CALN1: variants seen among roughly 807,000 people sequenced by gnomAD.
CALN1 encodes calcium-binding protein 8.
CALN1 carries 17 observed loss-of-function variants against 30.6 expected under a neutral mutation model. The observed-to-expected ratio is 0.56, with a 90% CI of 0.38 to 0.83. The LOEUF (loss-of-function observed/expected upper bound fraction) is 0.83, where lower values mean the gene tolerates loss of function less well. Among genes scored for constraint, CALN1 ranks in the 40% least tolerant of loss-of-function variants. The probability of loss-of-function intolerance (pLI) is 0.00; values close to 1 mark genes in which losing one functional copy is unlikely to be tolerated. For missense variants in CALN1, 291 were observed against 354.9 expected (o/e 0.82, Z 1.45); for synonymous variants, 156 against 131.4 (o/e 1.19, Z -1.28).
Position 71,810,444 on chromosome 7 carries a change from G to A in CALN1, c.550C>T (p.His184Tyr), listed in dbSNP as rs866127298. 2 of 1,614,116 alleles carry A rather than the reference G, an allele frequency of 1.2e-6. No homozygotes were observed. The highest frequency in any genetic ancestry group is 1.7e-6 in the Non-Finnish European group (2 of 1,180,002). Residue 184 changes from histidine (H) to tyrosine (Y), a missense_variant, in exon 6 of 7, where the codon CAT becomes TAT. His to Tyr is a moderately conservative substitution (Grantham distance 83). Coordinates refer to ENST00000395275, the MANE Select transcript of CALN1 (RefSeq NM_031468.4). The part of the protein sequence containing the change: ...TLEELKHILY[H>Y]AFRDHLTMKD... The stretch of plus-strand genomic sequence containing the variant: ...ATCGTTAGGTGGTCTCGGAAGGCAT[G>A]ATAGAGAATGTGCTTCAACTCTTCC...
At chr7:72,501,944 T>TAG in the CALN1 span, among the ~76,000 whole-genome samples, 1 of 79,618 alleles carries the variant, frequency 1.3e-5, no homozygotes, top group African/African-American at 6.7e-5. Context: ...TATATATATA[T>TAG]ATATACACAC....
chr7:71,963,404 A>G (rs1241821866), intron 5 of CALN1, among the ~76,000 whole-genome samples: 2 of 151,830 alleles, frequency 1.3e-5, no homozygotes, highest in Non-Finnish European at 2.9e-5. Context: ...CTCGTGATCC[A>G]CCTGCCTCAG....
At chr7:71,801,637 GT>G (rs1787321915) in intron 6 of CALN1, among the ~76,000 whole-genome samples, 1 of 152,038 alleles carries the variant, frequency 6.6e-6, no homozygotes, top group African/African-American at 2.4e-5. Context: ...AATGCAATGT[GT>G]TCATATTAGG....
At chr7:71,989,007 T>G (rs1167056491) in intron 5 of CALN1, among the ~76,000 whole-genome samples, 3 of 152,222 alleles carry the variant, frequency 2.0e-5, no homozygotes, top group Non-Finnish European at 4.4e-5. Context: ...TGTGCTTTTT[T>G]CTATTACTCC....
intron 3 of CALN1, among the ~76,000 whole-genome samples, chr7:72,163,484 G>C (rs1788289645): frequency 6.6e-6 from 1 of 151,348 alleles, no homozygotes; most frequent in Non-Finnish European, 1.5e-5. Flanking sequence ...ATTGAAATTG[G>C]CAGATAAGGA....
intron 4 of CALN1, among the ~76,000 whole-genome samples, chr7:72,091,529 T>C (rs903293433): frequency 4.6e-5 from 7 of 152,182 alleles, no homozygotes; most frequent in Non-Finnish European, 8.8e-5. Flanking sequence ...GTATAACTTA[T>C]ATCCATAAAA....
intron 3 of CALN1, among the ~76,000 whole-genome samples, chr7:72,224,404 A>G (rs1374453889): frequency 2.6e-5 from 4 of 152,182 alleles, no homozygotes; most frequent in Non-Finnish European, 5.9e-5. Context: ...GTCAAAAAGG[A>G]AACAAGTGAC....
chr7:72,154,311 T>C (rs1787493387), intron 3 of CALN1, among the ~76,000 whole-genome samples: 2 of 151,340 alleles, frequency 1.3e-5, no homozygotes, highest in Non-Finnish European at 3.0e-5. Context: ...AAGCCAAACT[T>C]GAACTTGAAC....
chr7:72,457,044 T>C, the CALN1 span, among the ~76,000 whole-genome samples: 2 of 149,122 alleles, frequency 1.3e-5, no homozygotes. Flanking sequence ...GTTTCCTTCT[T>C]GTTGCTCAGG....
intron 4 of CALN1, among the ~76,000 whole-genome samples, chr7:72,058,320 T>C (rs1361531501): frequency 7.4e-6 from 1 of 135,934 alleles, no homozygotes; most frequent in African/African-American, 2.8e-5. Context: ...CTTTTTTTTT[T>C]TTTTTTTTTT....
At chr7:71,910,856 T>C (rs1252642231) in intron 5 of CALN1, among the ~76,000 whole-genome samples, 2 of 152,176 alleles carry the variant, frequency 1.3e-5, no homozygotes, top group African/African-American at 4.8e-5. Context: ...CTTTTGTGCT[T>C]AGTATTAAGA....
intron 3 of CALN1, among the ~76,000 whole-genome samples, chr7:72,107,976 C>A (rs944697191): frequency 6.6e-6 from 1 of 152,160 alleles, no homozygotes; most frequent in Non-Finnish European, 1.5e-5. Flanking sequence ...CATGCCCTGG[C>A]ATGATCATTA....
chr7:72,010,827 AGAAAAG>A (rs1203252260), intron 5 of CALN1, among the ~76,000 whole-genome samples: 1 of 150,912 alleles, frequency 6.6e-6, no homozygotes. Flanking sequence ...AGAAAAGAAA[AGAAAAG>A]AAAAAGAAAA....
chr7:72,227,326 G>A (rs373758015), intron 3 of CALN1, among the ~76,000 whole-genome samples: 1 of 151,554 alleles, frequency 6.6e-6, no homozygotes. Context: ...GATAACTAAA[G>A]GTCAGGAGTT....
At chr7:72,275,598 T>C (rs1301423939) in intron 3 of CALN1, among the ~76,000 whole-genome samples, 1 of 152,138 alleles carries the variant, frequency 6.6e-6, no homozygotes, top group African/African-American at 2.4e-5. Context: ...AGAGCCTGGA[T>C]TACCCTCCTG....
chr7:72,329,377 C>G (rs961949239), intron 2 of CALN1, among the ~76,000 whole-genome samples: 1 of 152,200 alleles, frequency 6.6e-6, no homozygotes, highest in Non-Finnish European at 1.5e-5. Context: ...AAAATATAGA[C>G]TAAGTCATAT....
chr7:72,482,322 T>C, the CALN1 span, among the ~76,000 whole-genome samples: 3 of 152,194 alleles, frequency 2.0e-5, no homozygotes, highest in East Asian at 1.9e-4. Flanking sequence ...TGAAATGCTT[T>C]GCCTTTTTAT....
intron 3 of CALN1, among the ~76,000 whole-genome samples, chr7:72,216,404 C>T (rs1006471750): frequency 9.2e-6 from 1 of 108,388 alleles, no homozygotes; most frequent in East Asian, 4.4e-4. Flanking sequence ...GACACAAGAC[C>T]CTATGTCTTT....
intron 2 of CALN1, among the ~76,000 whole-genome samples, chr7:72,313,254 C>G (rs781748524): frequency 6.6e-6 from 1 of 151,938 alleles, no homozygotes; most frequent in Non-Finnish European, 1.5e-5. Context: ...CGGTACATAA[C>G]AAAAACGACA....
Sources: gnomAD v4.1 joint callset for allele counts (sites outside exome capture counted in the v4.1 genomes callset) on GRCh38, gnomAD v4.1.1 for gene constraint, MANE v1.5 for transcripts, NCBI Gene and HGNC (gene_info 2026-07-23, HGNC 2026-07-21) for gene names.